Variants in CNNM2 observed in about 807,000 individuals in gnomAD.
CNNM2 encodes cyclin and CBS domain divalent metal cation transport mediator 2.
Under a neutral mutation model 66.9 loss-of-function variants are expected in CNNM2, and 12 were observed. The ratio of observed to expected loss-of-function variants is 0.18; its 90% CI spans 0.11 to 0.29. CNNM2 has a LOEUF of 0.29. CNNM2 is among the 10% of genes least tolerant of loss of function. The probability of loss-of-function intolerance (pLI) is 1.00; values close to 1 mark genes in which losing one functional copy is unlikely to be tolerated. For missense variants in CNNM2, 705 were observed against 1,167.7 expected (o/e 0.60, Z 5.77); for synonymous variants, 557 against 501.8 (o/e 1.11, Z -1.47).
chr10:102,944,905 T>A (rs376975864), intron 1 of CNNM2, among the ~76,000 whole-genome samples: 99 of 152,274 alleles, frequency 6.5e-4, no homozygotes, highest in African/African-American at 2.1e-3. Context: ...AGTTGTAGAA[T>A]GTTCTGCAAT....
At chr10:103,002,238 C>T (rs1157642913) in intron 1 of CNNM2, among the ~76,000 whole-genome samples, 1 of 152,048 alleles carries the variant, frequency 6.6e-6, no homozygotes, top group African/African-American at 2.4e-5. Context: ...TGATAAGGGA[C>T]TGTAAGAGTT....
chr10:103,056,645 C>T, intron 3 of CNNM2, 150 bp from the exon 4 acceptor site: 2 of 712,122 alleles, frequency 2.8e-6, no homozygotes, highest in Non-Finnish European at 4.8e-6. Flanking sequence ...GTAATCTGTC[C>T]CCAGTGGATC....
intron 5 of CNNM2, among the ~76,000 whole-genome samples, chr10:103,069,549 C>T (rs1335645687): frequency 6.6e-6 from 1 of 152,192 alleles, no homozygotes; most frequent in Non-Finnish European, 1.5e-5. Flanking sequence ...GTGGCCGGCT[C>T]TTGTCTGGAG....
intron 1 of CNNM2, among the ~76,000 whole-genome samples, chr10:102,931,515 G>A (rs1846064468): frequency 1.3e-5 from 2 of 151,854 alleles, no homozygotes; most frequent in Non-Finnish European, 2.9e-5. Context: ...GCACCACCAC[G>A]GCCGGCTAAT....
intron 1 of CNNM2, among the ~76,000 whole-genome samples, chr10:103,012,140 ATTG>A (rs1033887526): frequency 6.6e-6 from 1 of 152,214 alleles, no homozygotes; most frequent in Admixed American, 6.5e-5. Context: ...AAAGAATTTC[ATTG>A]TTTACACATC....
At chr10:102,991,813 A>G (rs75810873) in intron 1 of CNNM2, among the ~76,000 whole-genome samples, 1,850 of 152,298 alleles carry the variant, frequency 0.012, 59 homozygotes, top group East Asian at 0.059. Flanking sequence ...AGATGCTTCT[A>G]AGTGCTTGAG....
intron 3 of CNNM2, 70 bp from the exon 4 acceptor site, chr10:103,056,725 A>G (rs1460512948): frequency 1.3e-5 from 18 of 1,386,988 alleles, no homozygotes; most frequent in Non-Finnish European, 1.7e-5. Flanking sequence ...AAACACCTCA[A>G]TTACTATTAA....
chr10:103,058,866 C>T (rs2065337929), intron 4 of CNNM2, among the ~76,000 whole-genome samples: 3 of 152,198 alleles, frequency 2.0e-5, no homozygotes, highest in Admixed American at 1.3e-4. Context: ...TAGCTGCCAT[C>T]ATTAACAAAG....
intron 1 of CNNM2, among the ~76,000 whole-genome samples, chr10:102,944,890 G>A (rs865995735): frequency 3.3e-5 from 5 of 151,656 alleles, no homozygotes; most frequent in African/African-American, 4.8e-5. Context: ...TTTGGAGTCC[G>A]GGCTAGTTGT....
chr10:102,967,617 C>T (rs2063485084), intron 1 of CNNM2, among the ~76,000 whole-genome samples: 3 of 152,124 alleles, frequency 2.0e-5, no homozygotes. Context: ...TTCCTTTATG[C>T]CGATTAATTG....
In CNNM2 at chr10:103,081,067, C is replaced by T. The variant is rs1478360984; in HGVS notation, c.*3887C>T. 2.0e-5 allele frequency: 3 copies of T among 152,216 alleles called. No individual in the cohort carries two copies. The highest frequency in any genetic ancestry group is 6.5e-5 in the Admixed American group (1 of 15,278). The allele number at this position is 152,216 out of a possible 1,614,324, so 9.4% of individuals were successfully genotyped here. On this transcript the variant is annotated 3_prime_UTR_variant, in exon 8 of 8. Transcript: ENST00000369878. Reference sequence around the variant, plus strand: ...GGTGATCCTAGGCAGATGACTCACCCGGGCTGGCACAGGAAGGTGCTCACC... The same window carrying T: ...GGTGATCCTAGGCAGATGACTCACCTGGGCTGGCACAGGAAGGTGCTCACC...
chr10:103,019,503 T>G (rs755459588), intron 1 of CNNM2, among the ~76,000 whole-genome samples: 1 of 152,068 alleles, frequency 6.6e-6, no homozygotes, highest in African/African-American at 2.4e-5. Context: ...AGGAACCAGA[T>G]AGGGGACATG....
chr10:102,969,236 C>T (rs987188135), intron 1 of CNNM2, among the ~76,000 whole-genome samples: 11 of 150,640 alleles, frequency 7.3e-5, no homozygotes, highest in Non-Finnish European at 1.0e-4. Context: ...TTTTTTGAGG[C>T]GGAGTCTCGC....
At chr10:103,059,866 G>A (rs1158207514) in intron 4 of CNNM2, among the ~76,000 whole-genome samples, 2 of 152,200 alleles carry the variant, frequency 1.3e-5, no homozygotes, top group Non-Finnish European at 2.9e-5. Flanking sequence ...TGTGGGCTGG[G>A]TGTGGTAGCT....
chr10:102,938,244 T>G (rs1161555410), intron 1 of CNNM2, among the ~76,000 whole-genome samples: 1 of 150,942 alleles, frequency 6.6e-6, no homozygotes, highest in Non-Finnish European at 1.5e-5. Flanking sequence ...GAGACCAGCC[T>G]GGCCAACATG....
intron 1 of CNNM2, among the ~76,000 whole-genome samples, chr10:102,969,244 C>T (rs750259862): frequency 4.2e-4 from 63 of 150,760 alleles, no homozygotes; most frequent in South Asian, 4.2e-4. Context: ...GGCGGAGTCT[C>T]GCCCTGTCGC....
intron 1 of CNNM2, among the ~76,000 whole-genome samples, chr10:102,947,364 G>A (rs139441831): frequency 6.6e-6 from 1 of 152,202 alleles, no homozygotes; most frequent in African/African-American, 2.4e-5. Flanking sequence ...AGATGTATGC[G>A]TCTTCTAGTG....
At position 102,946,577 on chromosome 10, in the gene CNNM2, AGAT is replaced by A. The variant is rs1213732104; in HGVS notation, c.1621+26477_1621+26479del. Among the ~76,000 whole-genome samples the A allele has an allele frequency of 2.5e-3, 378 of 152,256 alleles. 2 individuals are homozygous for A. The highest frequency in any genetic ancestry group is 8.8e-3 in the African/African-American group (367 of 41,550). On this transcript the variant is annotated intron_variant, in intron 1 of 7. Coordinates refer to ENST00000369878, the MANE Select transcript of CNNM2 (RefSeq NM_017649.5). ...TTGAATCAAAGTATTGTTTTTTTAAAGATCTATTCTTCCCTGCTTGTGCAACTC... is the reference window on the plus strand; with the variant it reads ...TTGAATCAAAGTATTGTTTTTTTAAACTATTCTTCCCTGCTTGTGCAACTC...
chr10:103,019,245 G>C (rs2064519587), intron 1 of CNNM2, among the ~76,000 whole-genome samples: 1 of 150,946 alleles, frequency 6.6e-6, no homozygotes, highest in South Asian at 2.1e-4. Context: ...CTCCAGCCTG[G>C]GCGACATAGT....
Sources: allele counts gnomAD v4.1 joint callset (sites outside exome capture counted in the v4.1 genomes callset), GRCh38; gene constraint gnomAD v4.1.1; transcripts MANE v1.5; gene names NCBI Gene and HGNC (gene_info 2026-07-23, HGNC 2026-07-21).